Variants in FLNB observed in about 807,000 individuals in gnomAD.
The protein encoded by FLNB is filamin B, also known as filamin-B.
In FLNB, 111 loss-of-function variants were observed where a neutral mutation model predicts 250.6. The observed-to-expected ratio is 0.44, with a 90% CI of 0.38 to 0.52. The LOEUF (loss-of-function observed/expected upper bound fraction) is 0.52. Among genes scored for constraint, FLNB ranks in the 20% least tolerant of loss-of-function variants. The pLI, the probability that FLNB is intolerant of heterozygous loss-of-function variation, is 0.00. For synonymous variants in FLNB, 1,302 were observed against 1,372.1 expected (o/e 0.95, Z 1.13); for missense variants, 2,869 against 3,447.8 (o/e 0.83, Z 4.20).
In FLNB at chr3:58,131,002, A is replaced by T. The variant is rs2097306474; in HGVS notation, c.4390+94A>T. The T allele has an allele frequency of 5.0e-6, 6 of 1,211,938 alleles. No individual in the cohort carries two copies. The Admixed American group carries it at 1.5e-4, about 30-fold the overall frequency. 75.1% of individuals were successfully genotyped at this position (1,211,938 alleles called of 1,614,324 possible). On this transcript the variant is annotated intron_variant, in intron 25 of 45. Transcript: ENST00000295956. ...AGATGCTTTGCTTTTGAGTTTGCTC[A>T]TGAGCTTAAAATTAAATTAAAAAAA...
chr3:58,031,501 C>T (rs147414610), intron 1 of FLNB, among the ~76,000 whole-genome samples: 21 of 148,014 alleles, frequency 1.4e-4, no homozygotes, highest in African/African-American at 4.5e-4. Context: ...CTCGGCCTCC[C>T]AAAGTGCTAG....
At chr3:58,081,540 T>C in intron 3 of FLNB, 89 bp from the exon 4 acceptor site, 1 of 1,166,674 alleles carries the variant, frequency 8.6e-7, no homozygotes, top group Non-Finnish European at 1.3e-6. Context: ...TTAATATTTG[T>C]AGTGCTTGGT....
intron 24 of FLNB, among the ~76,000 whole-genome samples, chr3:58,128,153 G>A (rs1339652426): frequency 6.6e-6 from 1 of 152,192 alleles, no homozygotes; most frequent in East Asian, 1.9e-4. Flanking sequence ...GGGGCCCACT[G>A]CTGGGTTCTG....
chr3:58,043,342 C>T (rs2097149011), intron 1 of FLNB, among the ~76,000 whole-genome samples: 1 of 151,860 alleles, frequency 6.6e-6, no homozygotes, highest in Admixed American at 6.6e-5. Context: ...ATCATGTTGA[C>T]CAGGCTGGTA....
chr3:58,121,364 T>C lies in FLNB; in HGVS notation c.2987T>C (p.Val996Ala). Residue 996 changes from valine (V) to alanine (A), a missense_variant, in exon 20 of 46, where the codon GTG becomes GCG. By Grantham distance (64) the Val-to-Ala change is moderately conservative. Around this residue, in one of 5 missense-constraint regions of FLNB, gnomAD observed 1,348 missense variants for 1,466.7 expected, o/e 0.92. Coordinates refer to ENST00000295956, the MANE Select transcript of FLNB (RefSeq NM_001457.4). ...GTCGTGCCATGCCTAGTGACACCTG[T>C]GACAGGCCGGGAGAACAGCACGGCC... The part of the protein sequence containing the change: ...RKVVPCLVTP[V>A]TGRENSTAKF... 1 of 1,614,060 alleles carries C rather than the reference T, an allele frequency of 6.2e-7. No homozygotes were observed.
intron 15 of FLNB, 118 bp downstream of exon 15, chr3:58,109,817 A>T: frequency 6.9e-7 from 1 of 1,453,366 alleles, no homozygotes; most frequent in African/African-American, 1.4e-5. Flanking sequence ...GTAATCATCT[A>T]CTGAGCCTCT....
chr3:58,117,386 G>C (rs1033178712), intron 18 of FLNB, among the ~76,000 whole-genome samples: 28 of 152,262 alleles, frequency 1.8e-4, no homozygotes, highest in African/African-American at 6.5e-4. Flanking sequence ...TTATGGGATG[G>C]GTGGGCTTAA....
intron 1 of FLNB, among the ~76,000 whole-genome samples, chr3:58,072,078 T>C (rs2097195402): frequency 6.6e-6 from 1 of 152,178 alleles, no homozygotes; most frequent in African/African-American, 2.4e-5. Context: ...AAATTAAGTT[T>C]CTAGCTATTA....
rs114460813 is a variant in FLNB, at chr3:58,095,060, A to G, written c.906+106A>G. The G allele has an allele frequency of 2.5e-3, 2,385 of 938,872 alleles. 30 individuals carry two copies. In the African/African-American group the frequency reaches 0.033, roughly 13 times the overall value. The allele number at this position is 938,872 out of a possible 1,614,324, so 58.2% of individuals were successfully genotyped here. A position where few individuals can be genotyped will look rare whatever the true frequency, so the allele number is the denominator to read the frequency against. ...CCATTTTCATTTCAGCTCACAACCA[A>G]AAGTGTTTTTTACCAAAAGGATACT... is the stretch of plus-strand genomic sequence containing the variant. On this transcript the variant is annotated intron_variant, in intron 5 of 45. Coordinates refer to ENST00000295956, the MANE Select transcript of FLNB (RefSeq NM_001457.4).
intron 1 of FLNB, among the ~76,000 whole-genome samples, chr3:58,028,826 G>C (rs1414719194): frequency 6.6e-6 from 1 of 151,684 alleles, no homozygotes; most frequent in Non-Finnish European, 1.5e-5. Flanking sequence ...ATGTCGATCA[G>C]GCTGGTCTTG....
intron 3 of FLNB, among the ~76,000 whole-genome samples, chr3:58,081,000 G>T (rs913200713): frequency 6.6e-6 from 1 of 151,900 alleles, no homozygotes; most frequent in Admixed American, 6.6e-5. Flanking sequence ...TACCATGTTG[G>T]CCAGGCTTGT....
rs1372303256 is a variant in FLNB, at chr3:58,142,968, T to G, written c.5284+216T>G. Among the ~76,000 whole-genome samples, 1 of 152,220 alleles carries G rather than the reference T, an allele frequency of 6.6e-6. No individual in the cohort carries two copies. Among genetic ancestry groups the G allele is most frequent in the Non-Finnish European group, 1.5e-5 (1 of 68,040 alleles). ...GAAGTGGCTCACTGACAACTTGCAT[T>G]ACTTTCTTGAGCAGTCCCATGATTC... On this transcript the variant is annotated intron_variant, in intron 31 of 45. Transcript: ENST00000295956. The surrounding 1 kb of genome is among the most constrained non-coding windows in gnomAD (Gnocchi z 4.3).
At chr3:58,155,698 T>G (rs1304060846) in intron 40 of FLNB, among the ~76,000 whole-genome samples, 1 of 152,200 alleles carries the variant, frequency 6.6e-6, no homozygotes, top group Non-Finnish European at 1.5e-5. Context: ...CGTAATTTTT[T>G]CCCCATTGAA....
chr3:58,019,125 A>T (rs982780505), intron 1 of FLNB, among the ~76,000 whole-genome samples: 1 of 152,132 alleles, frequency 6.6e-6, no homozygotes, highest in Admixed American at 6.5e-5. Flanking sequence ...CGACAGAGTG[A>T]GACCCGTTTC....
chr3:58,144,522 G>T (rs1352016806), intron 32 of FLNB, among the ~76,000 whole-genome samples: 1 of 152,204 alleles, frequency 6.6e-6, no homozygotes, highest in Non-Finnish European at 1.5e-5. Flanking sequence ...GGGCATTTTG[G>T]TTCTTCCTGC....
At chr3:58,111,754 C>T (rs2097269111) in intron 16 of FLNB, 37 bp from the exon 17 acceptor site, 5 of 1,523,320 alleles carry the variant, frequency 3.3e-6, no homozygotes, top group Non-Finnish European at 4.6e-6. Flanking sequence ...GCTGTTGCTT[C>T]AGGGGCTTTC....
intron 1 of FLNB, among the ~76,000 whole-genome samples, chr3:58,063,637 C>T (rs2097181486): frequency 6.6e-6 from 1 of 152,118 alleles, no homozygotes; most frequent in Admixed American, 6.6e-5. Context: ...TGGAATTTTC[C>T]TCAGCTTGGT....
rs1686423537 is a variant in FLNB at position 58,142,896 on chromosome 3, G to T, written c.5284+144G>T. On this transcript the variant is annotated intron_variant, in intron 31 of 45. Coordinates refer to ENST00000295956, the MANE Select transcript of FLNB (RefSeq NM_001457.4). The surrounding 1 kb of genome is among the most constrained non-coding windows in gnomAD (Gnocchi z 4.3). ...AGTTCTTGGTCTCCGGTGTTGGGCC[G>T]TGGGCTCCTGAAACTACAGAATATG... 1.4e-6 allele frequency: 1 copy of T among 702,856 alleles called. No homozygotes were observed. The highest frequency in any genetic ancestry group is 2.7e-5 in the East Asian group (1 of 37,632). 43.5% of individuals were successfully genotyped at this position (702,856 alleles called of 1,614,324 possible).
At chr3:58,023,110 C>CA (rs2097116625) in intron 1 of FLNB, among the ~76,000 whole-genome samples, 1 of 73,682 alleles carries the variant, frequency 1.4e-5, no homozygotes, top group Non-Finnish European at 2.5e-5. Context: ...CCGAACTCGG[C>CA]CTTTTTTTTT....
Sources: allele counts gnomAD v4.1 joint callset (sites outside exome capture counted in the v4.1 genomes callset), GRCh38; gene constraint gnomAD v4.1.1; regional missense constraint gnomAD v4.1.1; non-coding constraint Gnocchi (gnomAD v3.1); transcripts MANE v1.5; gene names NCBI Gene and HGNC (gene_info 2026-07-23, HGNC 2026-07-21).